Variants in DMRT1 observed in about 807,000 individuals in gnomAD.
DMRT1 encodes doublesex and mab-3 related transcription factor 1.
A neutral mutation model predicts 32.3 loss-of-function variants in DMRT1; 7 were observed. The observed-to-expected ratio is 0.22, with a 90% confidence interval of 0.12 to 0.41. DMRT1 has a LOEUF of 0.41. Ranked by LOEUF, DMRT1 falls within the 10% of genes least tolerant of loss-of-function variation. The pLI, the probability that DMRT1 is intolerant of heterozygous loss-of-function variation, is 1.00. For missense variants in DMRT1, 625 were observed against 500.5 expected (o/e 1.25, Z -2.37); for synonymous variants, 278 against 206.1 (o/e 1.35, Z -2.99).
At chr9:917,752 T>C (rs1030043510) in intron 4 of DMRT1, among the ~76,000 whole-genome samples, 3 of 152,236 alleles carry the variant, frequency 2.0e-5, no homozygotes, top group African/African-American at 7.2e-5. Flanking sequence ...ATCAGAACCA[T>C]GCTTTGATTT....
intron 4 of DMRT1, among the ~76,000 whole-genome samples, chr9:963,790 T>C (rs1443112854): frequency 1.3e-5 from 2 of 152,254 alleles, no homozygotes; most frequent in Non-Finnish European, 2.9e-5. Context: ...TGGTATTGAT[T>C]GCACATGATT....
chr9:902,575 G>C (rs1365441489), intron 3 of DMRT1, among the ~76,000 whole-genome samples: 1 of 150,256 alleles, frequency 6.7e-6, no homozygotes. Context: ...TGCAACCTCT[G>C]CCTCCCGGGT....
intron 4 of DMRT1, among the ~76,000 whole-genome samples, chr9:937,354 A>G (rs1818921055): frequency 6.6e-6 from 1 of 152,214 alleles, no homozygotes; most frequent in Non-Finnish European, 1.5e-5. Flanking sequence ...TCTTCTGGAT[A>G]TATATCTAGA....
intron 2 of DMRT1, among the ~76,000 whole-genome samples, chr9:863,910 T>A (rs1815841784): frequency 6.6e-6 from 1 of 152,172 alleles, no homozygotes; most frequent in Admixed American, 6.5e-5. Flanking sequence ...CATCAAGAAT[T>A]TCCTTATTTA....
intron 2 of DMRT1, among the ~76,000 whole-genome samples, chr9:887,613 C>T (rs1816981987): frequency 1.3e-5 from 2 of 152,176 alleles, no homozygotes; most frequent in African/African-American, 4.8e-5. Flanking sequence ...CCTTTCTCTC[C>T]TTTGGGCCTC....
At chr9:947,946 T>A (rs1819301638) in intron 4 of DMRT1, among the ~76,000 whole-genome samples, 1 of 152,240 alleles carries the variant, frequency 6.6e-6, no homozygotes, top group South Asian at 2.1e-4. Context: ...CCATGCTGTG[T>A]TTCTGTTAGA....
At chr9:953,855 T>G (rs942098479) in intron 4 of DMRT1, among the ~76,000 whole-genome samples, 5 of 152,254 alleles carry the variant, frequency 3.3e-5, no homozygotes, top group African/African-American at 1.2e-4. Context: ...TGTAAGTCTT[T>G]TAACTAGTGG....
At chr9:929,068 A>C (rs201934137) in intron 4 of DMRT1, among the ~76,000 whole-genome samples, 1 of 151,918 alleles carries the variant, frequency 6.6e-6, no homozygotes, top group African/African-American at 2.4e-5. Context: ...CAAACTCCTG[A>C]TCTCAAGTGA....
At chr9:873,580 A>C (rs1372898131) in intron 2 of DMRT1, among the ~76,000 whole-genome samples, 2 of 152,080 alleles carry the variant, frequency 1.3e-5, no homozygotes, top group African/African-American at 4.8e-5. Context: ...TGGCCTCCCA[A>C]AATGTTGGGA....
intron 2 of DMRT1, 133 bp downstream of exon 2, chr9:847,276 C>T: frequency 9.7e-6 from 9 of 930,934 alleles, no homozygotes; most frequent in Non-Finnish European, 1.4e-5. Flanking sequence ...AGGATTCTCC[C>T]TGTGAAGGGC....
At chr9:930,259 G>C (rs962857695) in intron 4 of DMRT1, among the ~76,000 whole-genome samples, 10 of 152,084 alleles carry the variant, frequency 6.6e-5, no homozygotes, top group Non-Finnish European at 1.5e-4. Context: ...ACCCAGGCTA[G>C]AGTGCAGTGG....
chr9:878,878 C>G (rs1589491193), intron 2 of DMRT1, among the ~76,000 whole-genome samples: 1 of 152,130 alleles, frequency 6.6e-6, no homozygotes, highest in African/African-American at 2.4e-5. Flanking sequence ...ACATGCAAAA[C>G]GTATATAACT....
intron 2 of DMRT1, among the ~76,000 whole-genome samples, chr9:876,054 C>A (rs1269199135): frequency 2.0e-5 from 3 of 152,178 alleles, no homozygotes; most frequent in African/African-American, 4.8e-5. Flanking sequence ...TTGCTGCACC[C>A]TTTTATCCCT....
intron 1 of DMRT1, among the ~76,000 whole-genome samples, chr9:843,898 T>C (rs55783200): frequency 1.3e-3 from 192 of 152,342 alleles, no homozygotes; most frequent in African/African-American, 4.3e-3. Context: ...TTTTGCTTAA[T>C]TTCTTAATAG....
chr9:938,170 T>C (rs1276245380), intron 4 of DMRT1, among the ~76,000 whole-genome samples: 14 of 152,218 alleles, frequency 9.2e-5, no homozygotes, highest in Non-Finnish European at 1.0e-4. Flanking sequence ...AGGGTTTATA[T>C]TGCAGCTTTT....
At chr9:940,178 A>G (rs992830180) in intron 4 of DMRT1, among the ~76,000 whole-genome samples, 2 of 151,988 alleles carry the variant, frequency 1.3e-5, no homozygotes, top group Admixed American at 6.6e-5. Flanking sequence ...TTAACCATAA[A>G]ATTACCATTT....
At chr9:889,525 A>G (rs1249940693) in intron 2 of DMRT1, among the ~76,000 whole-genome samples, 1 of 152,248 alleles carries the variant, frequency 6.6e-6, no homozygotes, top group Non-Finnish European at 1.5e-5. Context: ...AGTCAGCTGT[A>G]ACAAAACAAA....
intron 4 of DMRT1, among the ~76,000 whole-genome samples, chr9:966,630 G>A (rs1011609424): frequency 6.6e-6 from 1 of 152,236 alleles, no homozygotes; most frequent in African/African-American, 2.4e-5. Flanking sequence ...GTCCAGTGGA[G>A]TGGTTAAGGG....
intron 2 of DMRT1, among the ~76,000 whole-genome samples, chr9:865,592 A>G (rs1217570867): frequency 1.6e-4 from 24 of 152,202 alleles, no homozygotes; most frequent in Admixed American, 1.6e-3. Flanking sequence ...GATATGATTT[A>G]TCCTGTAGCA....
Sources: allele counts gnomAD v4.1 joint callset (sites outside exome capture counted in the v4.1 genomes callset), GRCh38; gene constraint gnomAD v4.1.1; transcripts MANE v1.5; gene names NCBI Gene and HGNC (gene_info 2026-07-23, HGNC 2026-07-21).